The following EXOC4 variants were observed in gnomAD, a reference collection of about 807,000 sequenced individuals.
EXOC4 encodes SEC8-like 1.
A neutral mutation model predicts 107.2 loss-of-function variants in EXOC4; 71 were observed. That is an observed-to-expected ratio of 0.66 (90% CI 0.55 to 0.81). The LOEUF (loss-of-function observed/expected upper bound fraction) is 0.81. EXOC4 is among the 30% of genes least tolerant of loss of function. The pLI, the probability that EXOC4 is intolerant of heterozygous loss-of-function variation, is 0.00. For synonymous variants in EXOC4, 456 were observed against 441.2 expected, an observed-to-expected ratio of 1.03 and a Z score of -0.42; for missense variants, 1,108 against 1,189.6, an observed-to-expected ratio of 0.93 and a Z score of 1.01.
intron 9 of EXOC4, among the ~76,000 whole-genome samples, chr7:133,616,338 T>C (rs2151001626): frequency 6.6e-6 from 1 of 152,284 alleles, no homozygotes; most frequent in South Asian, 2.1e-4. Context: ...GGCTGTTGCT[T>C]ATGTTTATTT....
intron 10 of EXOC4, among the ~76,000 whole-genome samples, chr7:133,636,669 T>G: frequency 6.6e-6 from 1 of 152,212 alleles, no homozygotes; most frequent in East Asian, 1.9e-4. Flanking sequence ...GCTGGTTCTG[T>G]TGAACACTGC....
chr7:133,647,859 G>T (rs1313411134), intron 10 of EXOC4, among the ~76,000 whole-genome samples: 1 of 152,068 alleles, frequency 6.6e-6, no homozygotes, highest in East Asian at 1.9e-4. Flanking sequence ...TCTCCTGTTA[G>T]GTTAAAATAC....
chr7:133,404,313 T>C (rs1170355652), intron 7 of EXOC4, among the ~76,000 whole-genome samples: 2 of 151,914 alleles, frequency 1.3e-5, no homozygotes, highest in African/African-American at 2.4e-5. Context: ...CTGTGTTAGC[T>C]AGGATGGTCT....
chr7:134,096,916 C>A, the EXOC4 span, among the ~76,000 whole-genome samples: 1 of 151,960 alleles, frequency 6.6e-6, no homozygotes, highest in African/African-American at 2.4e-5. Flanking sequence ...ACTTTGCATT[C>A]TTCAATCAAG....
chr7:133,343,475 C>T (rs1328744096), intron 5 of EXOC4, among the ~76,000 whole-genome samples: 1 of 152,080 alleles, frequency 6.6e-6, no homozygotes, highest in African/African-American at 2.4e-5. Flanking sequence ...TGGGGTCTCC[C>T]TATGTTGCCT....
chr7:133,650,230 CT>C (rs1354474381), intron 10 of EXOC4, among the ~76,000 whole-genome samples: 9 of 152,074 alleles, frequency 5.9e-5, no homozygotes, highest in African/African-American at 2.2e-4. Flanking sequence ...GGCAACATTA[CT>C]AGTGAATTAC....
At chr7:134,051,831 A>G (rs6950038) in intron 17 of EXOC4, among the ~76,000 whole-genome samples, 102,232 of 151,762 alleles carry the variant, frequency 0.67, 35,177 homozygotes, top group African/African-American at 0.8. Context: ...TAAAAATACA[A>G]AAAAATTAGC....
At chr7:134,000,639 G>A (rs1412793577) in intron 15 of EXOC4, among the ~76,000 whole-genome samples, 1 of 152,112 alleles carries the variant, frequency 6.6e-6, no homozygotes, top group Non-Finnish European at 1.5e-5. Context: ...ATCTTAAGAG[G>A]TACAGAGGCT....
chr7:133,530,628 G>A (rs1800164470), intron 9 of EXOC4, among the ~76,000 whole-genome samples: 1 of 152,140 alleles, frequency 6.6e-6, no homozygotes. Context: ...ATCCTCAAAC[G>A]CTAATCTCCT....
rs1584779287 is a variant in EXOC4, at chr7:133,286,537, C to T, written c.277-2385C>T. Among the ~76,000 whole-genome samples the T allele has an allele frequency of 2.6e-5, 4 of 152,170 alleles. No individual in the cohort carries two copies. In the South Asian group the frequency reaches 8.3e-4, roughly 31 times the overall value. On this transcript the variant is annotated intron_variant, in intron 2 of 17. Coordinates refer to ENST00000253861, the MANE Select transcript of EXOC4 (RefSeq NM_021807.4). The stretch of plus-strand genomic sequence containing the variant: ...TAACCATTTGTGTGTAAGAGGCAGG[C>T]ACTACAAACCTGATTGGAAGCTCAG...
Position 133,386,122 on chromosome 7 carries a change from T to A in EXOC4, c.1182+11120T>A, listed in dbSNP as rs148343787. ...GAATAGCCATCTCTGCATAGAGATT[T>A]GTCTTTTCCTCTTTTAAAATACCAA... On this transcript the variant is annotated intron_variant, in intron 7 of 17. Coordinates refer to ENST00000253861, the MANE Select transcript of EXOC4 (RefSeq NM_021807.4). Among the ~76,000 whole-genome samples the A allele has an allele frequency of 1.2e-3, 186 of 152,340 alleles. 1 individual carries two copies. Among genetic ancestry groups the A allele is most frequent in the African/African-American group, 4.3e-3 (177 of 41,576 alleles).
chr7:133,618,058 G>GTAGAGGTGAAAGA (rs1165011266), intron 9 of EXOC4, among the ~76,000 whole-genome samples: 21 of 152,236 alleles, frequency 1.4e-4, no homozygotes, highest in Admixed American at 7.9e-4. Context: ...AGAAGAACCA[G>GTAGAGGTGAAAGA]ATCAGCAAAG....
chr7:133,970,162 C>T (rs936430558), intron 14 of EXOC4, among the ~76,000 whole-genome samples: 1 of 152,156 alleles, frequency 6.6e-6, no homozygotes, highest in African/African-American at 2.4e-5. Context: ...AAACTGCCTA[C>T]TCAAGCCTCA....
chr7:133,474,103 C>G (rs1466359460), intron 7 of EXOC4, among the ~76,000 whole-genome samples: 1 of 152,108 alleles, frequency 6.6e-6, no homozygotes, highest in Non-Finnish European at 1.5e-5. Flanking sequence ...TAAGGACTTA[C>G]TGCTGGCATT....
At chr7:133,379,544 T>C (rs1563043122) in intron 7 of EXOC4, among the ~76,000 whole-genome samples, 1 of 152,138 alleles carries the variant, frequency 6.6e-6, no homozygotes. Context: ...ATTTGTATTA[T>C]ACTACTATGA....
chr7:133,363,224 C>G lies in EXOC4; in HGVS notation c.1007+6651C>G, dbSNP rs555602930. Among the ~76,000 whole-genome samples the G allele has an allele frequency of 2.6e-5, 4 of 152,232 alleles. 1 individual carries two copies. The South Asian group carries it at 8.3e-4, about 32-fold the overall frequency. On this transcript the variant is annotated intron_variant, in intron 6 of 17. Transcript: ENST00000253861. ...CCAGGGACATATAGAAGAAATTCCA[C>G]TATTCTTCAACTAGGATATGTCCCC...
intron 14 of EXOC4, among the ~76,000 whole-genome samples, chr7:133,950,468 T>G (rs1363710623): frequency 2.0e-5 from 3 of 148,982 alleles, no homozygotes; most frequent in Non-Finnish European, 4.4e-5. Flanking sequence ...TTGGGAACTC[T>G]CTCCTTAGGC....
At chr7:133,728,809 C>G (rs1795268117) in intron 10 of EXOC4, among the ~76,000 whole-genome samples, 1 of 152,142 alleles carries the variant, frequency 6.6e-6, no homozygotes, top group African/African-American at 2.4e-5. Flanking sequence ...TCTCTAGCAT[C>G]CCTTCATCTT....
intron 11 of EXOC4, among the ~76,000 whole-genome samples, chr7:133,825,923 T>C (rs74984826): frequency 0.016 from 2,415 of 152,294 alleles, 88 homozygotes; most frequent in African/African-American, 0.055. Context: ...CAAGATGCCT[T>C]GGGGTCTAAT....
Sources: gnomAD v4.1 joint callset for allele counts (sites outside exome capture counted in the v4.1 genomes callset) on GRCh38, gnomAD v4.1.1 for gene constraint, MANE v1.5 for transcripts, NCBI Gene and HGNC (gene_info 2026-07-23, HGNC 2026-07-21) for gene names.